The following ABCA9 variants were observed in gnomAD, a reference collection of about 807,000 sequenced individuals.
ABCA9 encodes the protein ATP binding cassette subfamily A member 9, also known as ATP-binding cassette sub-family A member 9.
ABCA9 carries 183 observed loss-of-function variants against 205.3 expected under a neutral mutation model. The observed-to-expected ratio is 0.89, with a 90% CI of 0.79 to 1.01. The LOEUF is 1.01. Among genes scored for constraint, ABCA9 ranks in the 50% least tolerant of loss-of-function variants. The probability of loss-of-function intolerance (pLI) is 0.00; values close to 1 mark genes in which losing one functional copy is unlikely to be tolerated. For missense variants in ABCA9, 1,805 were observed against 1,912.4 expected (o/e 0.94, Z 1.05); for synonymous variants, 651 against 683.3 (o/e 0.95, Z 0.74).
chr17:69,049,428 T>G lies in ABCA9; in HGVS notation c.159A>C (p.Gln53His), dbSNP rs761623577. Residue 53 changes from glutamine to histidine, a missense_variant, in exon 3 of 39, where the codon CAA becomes CAC. Physicochemically the swap from Gln to His is conservative, Grantham distance 24. Coordinates refer to ENST00000340001, the MANE Select transcript of ABCA9 (RefSeq NM_080283.4). ...AAGACATTTGAGGAGTGTCATGAACTTGATGTAAATTGGAGAAAAATAGGT... is the reference window on the plus strand; with the variant it reads ...AAGACATTTGAGGAGTGTCATGAACGTGATGTAAATTGGAGAAAAATAGGT... ...FLYLFFSNLH[Q>H]VHDTPQMSSM... The G allele has an allele frequency of 3.1e-6, 5 of 1,613,160 alleles. No individual in the cohort carries two copies. In the South Asian group the frequency reaches 3.3e-5, roughly 11 times the overall value.
intron 37 of ABCA9, among the ~76,000 whole-genome samples, chr17:68,980,452 T>C (rs1287363499): frequency 6.6e-6 from 1 of 152,070 alleles, no homozygotes; most frequent in African/African-American, 2.4e-5. Context: ...CCCAAAGGAT[T>C]ATAAATCATG....
At chr17:68,982,906 T>C (rs111770137) in intron 36 of ABCA9, among the ~76,000 whole-genome samples, 7,532 of 152,248 alleles carry the variant, frequency 0.049, 432 homozygotes, top group African/African-American at 0.13. Flanking sequence ...CCATGGAGGC[T>C]GAGGCAGGAG....
At chr17:69,078,099 C>T in the ABCA9 span, among the ~76,000 whole-genome samples, 4 of 152,008 alleles carry the variant, frequency 2.6e-5, no homozygotes. Context: ...TACTGTGACT[C>T]CCTTTATTTT....
rs2070898162 is a variant in ABCA9 at position 69,023,900 on chromosome 17, ACT to A, written c.2281+312_2281+313del. Among the ~76,000 whole-genome samples the A allele has an allele frequency of 6.6e-6, 1 of 151,654 alleles. No homozygotes were observed. On this transcript the variant is annotated intron_variant, in intron 17 of 38. Transcript: ENST00000340001. This position sits in a 1 kb window ranked among gnomAD's most constrained non-coding sequence, Gnocchi z 4.2. ...ATATACCTGTTCCTGCCCTGACCACACTCTCTCATTCATTACTGAAACAAATT... is the reference window on the plus strand; with the variant it reads ...ATATACCTGTTCCTGCCCTGACCACACTCTCATTCATTACTGAAACAAATT...
intron 37 of ABCA9, among the ~76,000 whole-genome samples, chr17:68,976,539 C>T (rs1459080362): frequency 1.3e-5 from 2 of 152,216 alleles, no homozygotes; most frequent in Non-Finnish European, 2.9e-5. Context: ...GCTGATGTAA[C>T]AGATGTCTTC....
chr17:69,066,124 A>G, the ABCA9 span, among the ~76,000 whole-genome samples: 5 of 152,210 alleles, frequency 3.3e-5, no homozygotes, highest in Non-Finnish European at 2.9e-5. Flanking sequence ...CCCTCATTGC[A>G]TATGGGTTCC....
chr17:69,074,919 T>A, the ABCA9 span, among the ~76,000 whole-genome samples: 16 of 152,352 alleles, frequency 1.1e-4, 1 homozygote, highest in East Asian at 2.9e-3. Flanking sequence ...TGCTGTTTTT[T>A]AATTTCTTAA....
intron 16 of ABCA9, among the ~76,000 whole-genome samples, chr17:69,024,633 G>T (rs2070923575): frequency 6.6e-6 from 1 of 152,114 alleles, no homozygotes; most frequent in Non-Finnish European, 1.5e-5. Context: ...CTTGCCTGGG[G>T]TGAGGTAAAG....
rs112518048 is a variant in ABCA9, at chr17:69,012,109, C to T, written c.3040-26G>A. 1.0e-4 allele frequency: 152 copies of T among 1,518,766 alleles called. No homozygotes were observed. In the African/African-American group the frequency reaches 1.6e-3, roughly 16 times the overall value. 94.1% of individuals were successfully genotyped at this position (1,518,766 alleles called of 1,614,324 possible). On this transcript the variant is annotated intron_variant, in intron 22 of 38. Transcript: ENST00000340001. Reference sequence around the variant, plus strand: ...CTGAAATCATGTGGAACATGGTGAGCTGATGGCGATTGGGCATCTGTTTCA... The same window carrying T: ...CTGAAATCATGTGGAACATGGTGAGTTGATGGCGATTGGGCATCTGTTTCA...
chr17:68,982,535 G>A (rs2069091687), intron 37 of ABCA9, 27 bp downstream of exon 37: 3 of 1,570,794 alleles, frequency 1.9e-6, no homozygotes, highest in Admixed American at 1.7e-5. Context: ...GTTTCCCAGA[G>A]TTTTGTCTCT....
intron 31 of ABCA9, among the ~76,000 whole-genome samples, chr17:68,987,761 TG>T (rs748900814): frequency 0.23 from 29,333 of 127,796 alleles, 3,755 homozygotes; most frequent in Non-Finnish European, 0.28. Context: ...TTTGTTTGTT[TG>T]TTTGTTTTTT....
chr17:69,035,279 A>G lies in ABCA9; in HGVS notation c.1095T>C (p.Leu365=), dbSNP rs765639708. 1 of 1,602,626 alleles carries G rather than the reference A, an allele frequency of 6.2e-7. No individual in the cohort carries two copies. Among genetic ancestry groups the G allele is most frequent in the South Asian group, 1.1e-5 (1 of 88,702 alleles). Reference sequence around the variant, plus strand: ...TCCCAACAGTGAAGGCAAAGGGGCTAAGAAGACACAAAGTCCATTCCAAAA... The same window carrying G: ...TCCCAACAGTGAAGGCAAAGGGGCTGAGAAGACACAAAGTCCATTCCAAAA... ...PAFLEWTLCL[L]SPFAFTVGMA... is the part of the protein sequence containing the mutation. Residue 365 remains leucine (L), a synonymous_variant, in exon 8 of 39, where the codon CTT becomes CTC. Coordinates refer to ENST00000340001, the MANE Select transcript of ABCA9 (RefSeq NM_080283.4).
At chr17:69,051,289 G>T in intron 1 of ABCA9, 150 bp from the exon 2 acceptor site, 1 of 601,756 alleles carries the variant, frequency 1.7e-6, no homozygotes, top group Non-Finnish European at 2.8e-6. Flanking sequence ...AAAAACATGT[G>T]AGGAAATGTT....
At chr17:68,992,388 G>A (rs1317831814) in intron 27 of ABCA9, 122 bp from the exon 28 acceptor site, 2 of 601,506 alleles carry the variant, frequency 3.3e-6, no homozygotes, top group Non-Finnish European at 5.6e-6. Context: ...ATTTTTACAA[G>A]GCTGAAAGAC....
chr17:68,983,442 T>A (rs1237753376), intron 36 of ABCA9, among the ~76,000 whole-genome samples: 1 of 152,156 alleles, frequency 6.6e-6, no homozygotes, highest in Non-Finnish European at 1.5e-5. Context: ...ACCCCTGAGA[T>A]GACCTAAGTG....
At chr17:69,010,485 G>T (rs1344884542) in intron 23 of ABCA9, among the ~76,000 whole-genome samples, 1 of 152,070 alleles carries the variant, frequency 6.6e-6, no homozygotes, top group Non-Finnish European at 1.5e-5. Flanking sequence ...GAAAGGTAGA[G>T]AGATAAACAA....
chr17:69,026,218 G>T (rs2070977984), intron 16 of ABCA9, among the ~76,000 whole-genome samples, 159 bp downstream of exon 16: 1 of 152,060 alleles, frequency 6.6e-6, no homozygotes, highest in South Asian at 2.1e-4. Context: ...CATATATCCT[G>T]CATTCTAGCT....
chr17:69,025,924 T>A (rs2070964633), intron 16 of ABCA9, among the ~76,000 whole-genome samples: 1 of 151,816 alleles, frequency 6.6e-6, no homozygotes, highest in Non-Finnish European at 1.5e-5. Flanking sequence ...ACCTAAAACA[T>A]AGCCAATACT....
At chr17:69,002,551 T>C (rs1217242325) in intron 25 of ABCA9, among the ~76,000 whole-genome samples, 1 of 149,936 alleles carries the variant, frequency 6.7e-6, no homozygotes, top group Admixed American at 6.6e-5. Flanking sequence ...ATGTGGTCAA[T>C]TTTGGAATAG....
Sources: gnomAD v4.1 joint callset for allele counts (sites outside exome capture counted in the v4.1 genomes callset) on GRCh38, gnomAD v4.1.1 for gene constraint, Gnocchi (gnomAD v3.1) non-coding constraint, MANE v1.5 for transcripts, NCBI Gene and HGNC (gene_info 2026-07-23, HGNC 2026-07-21) for gene names.